The following BCL2L13 variants were observed in gnomAD, a reference collection of about 807,000 sequenced individuals.
BCL2L13 encodes the protein bcl-2-like protein 13.
BCL2L13 carries 13 observed loss-of-function variants against 25.8 expected under a neutral mutation model. The observed-to-expected ratio is 0.50, with a 90% CI of 0.33 to 0.80. The LOEUF is 0.80. Ranked by LOEUF, BCL2L13 falls within the 30% of genes least tolerant of loss-of-function variation. The pLI, the probability that BCL2L13 is intolerant of heterozygous loss-of-function variation, is 0.02. For synonymous variants in BCL2L13, 244 were observed against 230.3 expected, an observed-to-expected ratio of 1.06 and a Z score of -0.54; for missense variants, 504 against 574.9, an observed-to-expected ratio of 0.88 and a Z score of 1.26.
intron 5 of BCL2L13, among the ~76,000 whole-genome samples, 187 bp from the exon 6 acceptor site, chr22:17,702,056 A>G (rs955570545): frequency 2.6e-5 from 4 of 152,104 alleles, no homozygotes; most frequent in Admixed American, 2.0e-4. Flanking sequence ...CTACCTGCCT[A>G]TTGTATAAAA....
intron 5 of BCL2L13, among the ~76,000 whole-genome samples, chr22:17,697,509 C>T (rs2060299952): frequency 6.6e-6 from 1 of 152,144 alleles, no homozygotes; most frequent in Non-Finnish European, 1.5e-5. Context: ...TTATAGGAAG[C>T]TCTCTGAGTC....
At chr22:17,724,041 G>A (rs1601805542) in intron 6 of BCL2L13, among the ~76,000 whole-genome samples, 2 of 152,216 alleles carry the variant, frequency 1.3e-5, no homozygotes, top group Non-Finnish European at 2.9e-5. Context: ...GGGACACTGA[G>A]GTGGGAGAAT....
chr22:17,680,773 G>A (rs5747323), intron 2 of BCL2L13, among the ~76,000 whole-genome samples: 77,596 of 151,668 alleles, frequency 0.51, 20,592 homozygotes, highest in East Asian at 0.84. Context: ...TCTGGGTGGT[G>A]ATTTTAGTAT....
intron 6 of BCL2L13, among the ~76,000 whole-genome samples, chr22:17,715,158 ATATATATATATATTTTTTTTTTTTTTTT>A (rs2060902148): frequency 1.8e-4 from 1 of 5,436 alleles, no homozygotes; most frequent in African/African-American, 7.5e-4. Context: ...ATATATATAT[ATATATATATATATTTTTTTTTTTTTTTT>A]TTTTTTTTTT....
At chr22:17,660,543 C>T (rs1394081438) in intron 2 of BCL2L13, among the ~76,000 whole-genome samples, 1 of 145,228 alleles carries the variant, frequency 6.9e-6, no homozygotes, top group Non-Finnish European at 1.6e-5. Flanking sequence ...CCTCAGCCTC[C>T]GAGGAGCTGG....
intron 6 of BCL2L13, chr22:17,703,402 T>G (rs1379574980): frequency 6.6e-6 from 1 of 152,196 alleles, no homozygotes; most frequent in African/African-American, 2.4e-5. Flanking sequence ...AGATTTTCCA[T>G]TTTCCCTTTA....
At chr22:17,712,784 T>C (rs2060800098) in intron 6 of BCL2L13, among the ~76,000 whole-genome samples, 1 of 152,198 alleles carries the variant, frequency 6.6e-6, no homozygotes, top group African/African-American at 2.4e-5. Flanking sequence ...TCAGGAAGAT[T>C]ACAGAAATGT....
intron 1 of BCL2L13, among the ~76,000 whole-genome samples, chr22:17,649,722 T>TA (rs2058612877): frequency 6.8e-6 from 1 of 147,078 alleles, no homozygotes. Flanking sequence ...AGGCTGGTCT[T>TA]AAACTCCTGA....
At chr22:17,668,756 C>CGCTT (rs1453081045) in intron 2 of BCL2L13, among the ~76,000 whole-genome samples, 1 of 151,958 alleles carries the variant, frequency 6.6e-6, no homozygotes, top group Non-Finnish European at 1.5e-5. Context: ...TGAGCCACTG[C>CGCTT]GCTTGGCCTG....
Position 17,727,549 on chromosome 22 carries a change from G to T in BCL2L13, c.*15G>T. 1 of 1,612,338 alleles carries T rather than the reference G, an allele frequency of 6.2e-7. No homozygotes were observed. The highest frequency in any genetic ancestry group is 8.5e-7 in the Non-Finnish European group (1 of 1,178,958). ...GAAAGAAATAGGAGGCTTTTCAGAA[G>T]AGAAAGACAGAAGGATGTAAGGTTG... On this transcript the variant is annotated 3_prime_UTR_variant, in exon 7 of 7. Transcript: ENST00000317582.
chr22:17,670,344 A>G (rs1468551702), intron 2 of BCL2L13, among the ~76,000 whole-genome samples: 1 of 129,260 alleles, frequency 7.7e-6, no homozygotes, highest in South Asian at 2.5e-4. Flanking sequence ...GTGTAGATCA[A>G]TTTGGGGAGT....
At chr22:17,719,329 G>A (rs1052305514) in intron 6 of BCL2L13, among the ~76,000 whole-genome samples, 1 of 151,828 alleles carries the variant, frequency 6.6e-6, no homozygotes, top group Non-Finnish European at 1.5e-5. Flanking sequence ...GAAATGTTTT[G>A]GAATTCCAAA....
chr22:17,676,167 C>A (rs954054321), intron 2 of BCL2L13, among the ~76,000 whole-genome samples: 27 of 152,232 alleles, frequency 1.8e-4, no homozygotes, highest in African/African-American at 6.5e-4. Context: ...TATTATTTTC[C>A]CATTTTATAT....
intron 1 of BCL2L13, among the ~76,000 whole-genome samples, chr22:17,645,224 GA>G (rs1448733855): frequency 4.8e-5 from 6 of 124,102 alleles, no homozygotes; most frequent in African/African-American, 1.6e-4. Flanking sequence ...CTAATAGTAG[GA>G]TTTTTTTTTT....
In BCL2L13 at chr22:17,639,658, G is replaced by A. The variant is rs529733592; in HGVS notation, c.-51+772G>A. 3.3e-5 allele frequency among the ~76,000 whole-genome samples: 5 copies of A among 152,256 alleles called. No homozygotes were observed. In the East Asian group the frequency reaches 9.6e-4, roughly 29 times the overall value. On this transcript the variant is annotated intron_variant, in intron 1 of 6. Coordinates refer to ENST00000317582, the MANE Select transcript of BCL2L13 (RefSeq NM_015367.4). ...TCAAAATAGCTATCTCACTGTCTCT[G>A]TTTAGAAGTTTGAACTAAGCTGAGA...
At chr22:17,664,723 G>C (rs1227385715) in intron 2 of BCL2L13, among the ~76,000 whole-genome samples, 1 of 152,208 alleles carries the variant, frequency 6.6e-6, no homozygotes, top group Non-Finnish European at 1.5e-5. Flanking sequence ...CTCGGTTCTT[G>C]ACTTGTGTGC....
At position 17,655,656 on chromosome 22, in the gene BCL2L13, T is replaced by C. The variant is rs1313514193; in HGVS notation, c.-50-6T>C. The C allele has an allele frequency of 7.7e-6, 12 of 1,557,228 alleles. No individual in the cohort carries two copies. In the South Asian group the frequency reaches 1.5e-4, roughly 19 times the overall value. The stretch of plus-strand genomic sequence containing the variant: ...TAAACTGAAAAAATTACTTTTTTGT[T>C]CTTAGGTTTTACACATCCATAAGTA... On this transcript the variant is annotated splice_region_variant and splice_polypyrimidine_tract_variant and intron_variant, in intron 1 of 6. Transcript: ENST00000317582.
chr22:17,706,747 C>G lies in BCL2L13; in HGVS notation c.600+4361C>G, dbSNP rs757259652. 4 of 1,351,954 alleles carry G rather than the reference C, an allele frequency of 3.0e-6. No homozygotes were observed. The African/African-American group carries it at 4.4e-5, about 15-fold the overall frequency. The allele number at this position is 1,351,954 out of a possible 1,614,324, so 83.7% of individuals were successfully genotyped here. The stretch of plus-strand genomic sequence containing the variant: ...CATCCTTGCTCCCTCCCTCCTCATT[C>G]TCTTTTCATTTCCTGGGCTTGTGTT... On this transcript the variant is annotated intron_variant, in intron 6 of 6. Transcript: ENST00000317582.
chr22:17,639,261 G>T (rs946411286), intron 1 of BCL2L13, among the ~76,000 whole-genome samples: 3 of 152,336 alleles, frequency 2.0e-5, no homozygotes, highest in South Asian at 2.1e-4. Flanking sequence ...TTTGGTTGAG[G>T]GAAAGGTTTT....
Sources: gnomAD v4.1 joint callset for allele counts (sites outside exome capture counted in the v4.1 genomes callset) on GRCh38, gnomAD v4.1.1 for gene constraint, MANE v1.5 for transcripts, NCBI Gene and HGNC (gene_info 2026-07-23, HGNC 2026-07-21) for gene names.